Variants in EBF3 observed in about 807,000 individuals in gnomAD.
EBF3 encodes transcription factor COE3.
Under a neutral mutation model 77.1 loss-of-function variants are expected in EBF3, and 18 were observed. The observed-to-expected ratio is 0.23, with a 90% CI of 0.16 to 0.35. The LOEUF is 0.35. Ranked by LOEUF, EBF3 falls within the 10% of genes least tolerant of loss-of-function variation. EBF3 has a pLI of 1.00. For missense variants in EBF3, 558 were observed against 860.0 expected, an observed-to-expected ratio of 0.65 and a Z score of 4.39; for synonymous variants, 350 against 343.5, an observed-to-expected ratio of 1.02 and a Z score of -0.21.
rs1859711868 is a variant in EBF3, at chr10:129,963,619, G to A, written c.134+16C>T. 3.7e-6 allele frequency: 5 copies of A among 1,356,110 alleles called. No homozygotes were observed. The highest frequency in any genetic ancestry group is 1.4e-5 in the South Asian group (1 of 70,580). 84.0% of individuals were successfully genotyped at this position (1,356,110 alleles called of 1,614,324 possible). On this transcript the variant is annotated intron_variant, in intron 1 of 16. Transcript: ENST00000440978. The surrounding 1 kb of genome is among the most constrained non-coding windows in gnomAD (Gnocchi z 7.1). ...CGGGGCCGGGGCCAGGGCGCGCGGG[G>A]GCGGCCGGTACGTACCTCTGGGCGG...
intron 8 of EBF3, 76 bp from the exon 9 acceptor site, chr10:129,867,988 G>GTCCCGCGGCCACCGCGCA: frequency 6.4e-7 from 1 of 1,566,094 alleles, no homozygotes; most frequent in Non-Finnish European, 8.7e-7. Flanking sequence ...GCCACCGCGC[G>GTCCCGCGGCCACCGCGCA]TCCCGCGGCC....
At chr10:129,945,234 G>A (rs1214902547) in intron 6 of EBF3, among the ~76,000 whole-genome samples, 1 of 150,704 alleles carries the variant, frequency 6.6e-6, no homozygotes, top group Non-Finnish European at 1.5e-5. Flanking sequence ...AGGAAGCAGA[G>A]GGAGGGAGGG....
intron 6 of EBF3, among the ~76,000 whole-genome samples, chr10:129,916,838 G>A (rs1855913862): frequency 2.0e-5 from 3 of 152,206 alleles, no homozygotes; most frequent in South Asian, 2.1e-4. Context: ...TGAGCAGGAC[G>A]AAGGTGCTCC....
intron 8 of EBF3, among the ~76,000 whole-genome samples, chr10:129,873,043 G>A (rs745937495): frequency 6.6e-6 from 1 of 152,116 alleles, no homozygotes; most frequent in Non-Finnish European, 1.5e-5. Flanking sequence ...TCCAGCCAGG[G>A]ACAGGAAATG....
intron 6 of EBF3, among the ~76,000 whole-genome samples, chr10:129,898,709 G>A (rs1325540702): frequency 6.6e-6 from 1 of 152,212 alleles, no homozygotes; most frequent in Non-Finnish European, 1.5e-5. Context: ...GTCTTTACTT[G>A]CTGAGGTATT....
At chr10:129,877,723 T>G (rs535434652) in intron 7 of EBF3, 45 bp downstream of exon 7, 2 of 1,539,722 alleles carry the variant, frequency 1.3e-6, no homozygotes, top group Non-Finnish European at 1.8e-6. Context: ...AAATTTGGTA[T>G]GAAAAGTCAG....
chr10:129,913,083 G>A (rs937270404), intron 6 of EBF3, among the ~76,000 whole-genome samples: 10 of 152,206 alleles, frequency 6.6e-5, no homozygotes, highest in African/African-American at 1.9e-4. Context: ...AAACAAATGT[G>A]TTTCTTGGAG....
At position 129,897,864 on chromosome 10, in the gene EBF3, G is replaced by A. The variant is rs1284284997; in HGVS notation, c.555-20015C>T. Among the ~76,000 whole-genome samples the A allele has an allele frequency of 1.3e-5, 2 of 152,188 alleles. No individual in the cohort carries two copies. The highest frequency in any genetic ancestry group is 2.9e-5 in the Non-Finnish European group (2 of 68,034). ...AGGCAGATATCATTGAACTTTGTTG[G>A]GGTTTTGTTCCAGCATCCTCCAAAT... On this transcript the variant is annotated intron_variant, in intron 6 of 16. Coordinates refer to ENST00000440978, the MANE Select transcript of EBF3 (RefSeq NM_001375380.1). The surrounding 1 kb of genome is among the most constrained non-coding windows in gnomAD (Gnocchi z 4.6).
intron 6 of EBF3, among the ~76,000 whole-genome samples, chr10:129,921,025 G>A (rs1459702519): frequency 1.3e-5 from 2 of 152,206 alleles, no homozygotes; most frequent in Non-Finnish European, 2.9e-5. Context: ...GGAAGAAGCT[G>A]CCTTGTGATC....
intron 11 of EBF3, among the ~76,000 whole-genome samples, chr10:129,846,841 T>C (rs1850499071): frequency 6.6e-6 from 1 of 151,974 alleles, no homozygotes; most frequent in Non-Finnish European, 1.5e-5. Context: ...CAGTGGGCTG[T>C]GGGCTAACTG....
At chr10:129,894,129 T>C (rs1158791602) in intron 6 of EBF3, among the ~76,000 whole-genome samples, 1 of 152,158 alleles carries the variant, frequency 6.6e-6, no homozygotes, top group Non-Finnish European at 1.5e-5. Context: ...ACTTTTATGA[T>C]ATAGACGTGG....
chr10:129,944,743 C>A lies in EBF3; in HGVS notation c.554+12515G>T, dbSNP rs1858050193. On this transcript the variant is annotated intron_variant, in intron 6 of 16. Coordinates refer to ENST00000440978, the MANE Select transcript of EBF3 (RefSeq NM_001375380.1). This position sits in a 1 kb window ranked among gnomAD's most constrained non-coding sequence, Gnocchi z 5.1. ...TATGCGATTAAGATCCATAAAAATT[C>A]AATAGCTTTTCTTCTGCAATTCACA... Among the ~76,000 whole-genome samples, 2 of 151,924 alleles carry A rather than the reference C, an allele frequency of 1.3e-5. No individual in the cohort carries two copies. Among genetic ancestry groups the A allele is most frequent in the Admixed American group, 1.3e-4 (2 of 15,250 alleles).
At chr10:129,893,646 T>C (rs1247299938) in intron 6 of EBF3, among the ~76,000 whole-genome samples, 1 of 152,270 alleles carries the variant, frequency 6.6e-6, no homozygotes, top group Non-Finnish European at 1.5e-5. Flanking sequence ...AAAGACTTGC[T>C]GGCAAACTTC....
chr10:129,923,392 C>T lies in EBF3; in HGVS notation c.554+33866G>A, dbSNP rs1283706348. Reference sequence around the variant, plus strand: ...TCACACTGCCTGATTTCAAACCTTACTACAAAGCTACAGTAACCAAAACAG... The same window carrying T: ...TCACACTGCCTGATTTCAAACCTTATTACAAAGCTACAGTAACCAAAACAG... On this transcript the variant is annotated intron_variant, in intron 6 of 16. Transcript: ENST00000440978. 2.0e-5 allele frequency among the ~76,000 whole-genome samples: 3 copies of T among 152,202 alleles called. No individual in the cohort carries two copies. In the East Asian group the frequency reaches 5.8e-4, roughly 29 times the overall value.
intron 10 of EBF3, among the ~76,000 whole-genome samples, chr10:129,853,441 T>C (rs1353865573): frequency 1.3e-5 from 2 of 152,200 alleles, no homozygotes; most frequent in African/African-American, 4.8e-5. Context: ...TCCTGTAGCT[T>C]CCCAATCATG....
Position 129,952,076 on chromosome 10 carries a change from T to C in EBF3, c.554+5182A>G, listed in dbSNP as rs1255630737. Among the ~76,000 whole-genome samples the C allele has an allele frequency of 6.6e-6, 1 of 152,206 alleles. No individual in the cohort carries two copies. The highest frequency in any genetic ancestry group is 1.5e-5 in the Non-Finnish European group (1 of 68,038). ...TCCATTCATCCAAAAGGTGTTTTAA[T>C]ATTGCCAAATTTCTAGCCAATACTT... On this transcript the variant is annotated intron_variant, in intron 6 of 16. Transcript: ENST00000440978. The surrounding 1 kb of genome is among the most constrained non-coding windows in gnomAD (Gnocchi z 4.7).
chr10:129,876,988 T>C (rs7076708), intron 7 of EBF3, among the ~76,000 whole-genome samples: 32,520 of 143,072 alleles, frequency 0.23, 3,707 homozygotes, highest in African/African-American at 0.3. Context: ...TAGGAACAGA[T>C]GCAACTAGCA....
intron 6 of EBF3, among the ~76,000 whole-genome samples, chr10:129,953,120 CCA>C (rs1229306067): frequency 6.6e-6 from 1 of 151,138 alleles, no homozygotes; most frequent in East Asian, 1.9e-4. Context: ...GGCTACCGTT[CCA>C]CAGTCACTTT....
intron 10 of EBF3, among the ~76,000 whole-genome samples, chr10:129,857,076 ACT>A (rs1851305370): frequency 2.0e-5 from 3 of 152,094 alleles, no homozygotes; most frequent in Non-Finnish European, 2.9e-5. Context: ...AGGGAGCATA[ACT>A]CTGTTTCCCA....
Sources: gnomAD v4.1 joint callset for allele counts (sites outside exome capture counted in the v4.1 genomes callset) on GRCh38, gnomAD v4.1.1 for gene constraint, Gnocchi (gnomAD v3.1) non-coding constraint, MANE v1.5 for transcripts, NCBI Gene and HGNC (gene_info 2026-07-23, HGNC 2026-07-21) for gene names.